DYSF: variants seen among roughly 807,000 people sequenced by gnomAD.
The protein encoded by DYSF is dysferlin.
In DYSF, 212 loss-of-function variants were observed where a neutral mutation model predicts 274.9. The observed-to-expected ratio is 0.77, with a 90% CI of 0.69 to 0.86. The LOEUF (loss-of-function observed/expected upper bound fraction) is 0.86, where lower values mean the gene tolerates loss of function less well. Ranked by LOEUF, DYSF falls within the 40% of genes least tolerant of loss-of-function variation. The probability of loss-of-function intolerance (pLI) is 0.00; values close to 1 mark genes in which losing one functional copy is unlikely to be tolerated. For synonymous variants in DYSF, 1,091 were observed against 1,078.7 expected (o/e 1.01, Z -0.22); for missense variants, 2,666 against 2,783.2 (o/e 0.96, Z 0.95).
chr2:71,472,666 A>G (rs541482410), intron 1 of DYSF, among the ~76,000 whole-genome samples: 14 of 152,326 alleles, frequency 9.2e-5, no homozygotes, highest in African/African-American at 3.4e-4. Context: ...TTGGCCTCCC[A>G]AAGTGCTGGG....
At chr2:71,570,811 C>T in intron 29 of DYSF, 70 bp downstream of exon 29, 2 of 1,596,390 alleles carry the variant, frequency 1.3e-6, no homozygotes, top group Non-Finnish European at 8.5e-7. Flanking sequence ...AGATGCAGAC[C>T]TGCATGCCCA....
intron 47 of DYSF, among the ~76,000 whole-genome samples, chr2:71,666,248 A>G (rs535481237): frequency 1.3e-5 from 2 of 152,316 alleles, no homozygotes; most frequent in East Asian, 3.9e-4. Context: ...AGTCATAGGA[A>G]ACAAAAGCCA....
chr2:71,515,842 T>A (rs2086598886), intron 8 of DYSF, 91 bp downstream of exon 8: 1 of 1,573,676 alleles, frequency 6.4e-7, no homozygotes, highest in Non-Finnish European at 8.7e-7. Context: ...TTCAAGAGTG[T>A]TTACGTATGG....
At chr2:71,528,009 G>T (rs2088164189) in intron 13 of DYSF, among the ~76,000 whole-genome samples, 1 of 152,232 alleles carries the variant, frequency 6.6e-6, no homozygotes, top group African/African-American at 2.4e-5. Flanking sequence ...TAGTGATGTA[G>T]ATTTCTAATT....
chr2:71,521,440 G>T (rs1445709657), intron 12 of DYSF, among the ~76,000 whole-genome samples: 2 of 152,200 alleles, frequency 1.3e-5, no homozygotes, highest in African/African-American at 4.8e-5. Context: ...ACAAACACCA[G>T]AGCACCCACT....
chr2:71,602,627 T>G (rs1574287716), intron 35 of DYSF, 149 bp from the exon 36 acceptor site: 1 of 720,056 alleles, frequency 1.4e-6, no homozygotes, highest in Non-Finnish European at 2.4e-6. Flanking sequence ...TGGTGGGAGG[T>G]GGTTTCTGTT....
intron 34 of DYSF, 192 bp from the exon 35 acceptor site, chr2:71,601,307 G>C: frequency 1.4e-6 from 1 of 731,406 alleles, no homozygotes; most frequent in Non-Finnish European, 2.4e-6. Context: ...GACTGAATAG[G>C]AGTAGGGCTG....
chr2:71,513,283 C>T lies in DYSF; in HGVS notation c.504C>T (p.Asp168=). Residue 168 remains aspartate (D), a synonymous_variant, in exon 6 of 56, where the codon GAC becomes GAT. Coordinates refer to ENST00000410020, the MANE Select transcript of DYSF (RefSeq NM_001130987.2). ...SRAETWSLLS[D]STMDTRYSGK... ...CCGAGACTTGGTCCCTGCTCAGTGA[C>T]AGCACCATGGACACGAGATACTCTG... The T allele has an allele frequency of 6.4e-7, 1 of 1,551,644 alleles. No individual in the cohort carries two copies. The highest frequency in any genetic ancestry group is 1.4e-5 in the African/African-American group (1 of 73,148).
At chr2:71,592,312 C>T (rs931786243) in intron 32 of DYSF, among the ~76,000 whole-genome samples, 2 of 152,216 alleles carry the variant, frequency 1.3e-5, no homozygotes, top group Non-Finnish European at 2.9e-5. Flanking sequence ...AGACGTCACA[C>T]TTTCCATCCT....
intron 24 of DYSF, among the ~76,000 whole-genome samples, chr2:71,565,836 G>A (rs2092065362): frequency 6.6e-6 from 1 of 152,228 alleles, no homozygotes; most frequent in Admixed American, 6.5e-5. Context: ...CACAGGTGAT[G>A]GGTCTTGCTG....
chr2:71,661,360 A>AG (rs2094878797), intron 45 of DYSF, among the ~76,000 whole-genome samples: 2 of 152,190 alleles, frequency 1.3e-5, no homozygotes, highest in African/African-American at 4.8e-5. Flanking sequence ...GTCAAAATGA[A>AG]GAAATCATCA....
intron 16 of DYSF, among the ~76,000 whole-genome samples, chr2:71,536,797 G>A (rs2089388879): frequency 1.3e-5 from 2 of 152,194 alleles, no homozygotes; most frequent in East Asian, 1.9e-4. Context: ...TGGCCAGAAA[G>A]CATTCTGCTG....
At chr2:71,489,651 G>A (rs2083654835) in intron 3 of DYSF, among the ~76,000 whole-genome samples, 1 of 152,218 alleles carries the variant, frequency 6.6e-6, no homozygotes, top group African/African-American at 2.4e-5. Context: ...GGAGACGACA[G>A]AGGCGCCTGG....
chr2:71,472,801 G>T (rs2082132363), intron 1 of DYSF, among the ~76,000 whole-genome samples: 1 of 152,184 alleles, frequency 6.6e-6, no homozygotes, highest in South Asian at 2.1e-4. Flanking sequence ...TTTGCCCATG[G>T]TGGAGCATGT....
At chr2:71,566,623 G>A (rs1315095244) in intron 24 of DYSF, among the ~76,000 whole-genome samples, 1 of 152,192 alleles carries the variant, frequency 6.6e-6, no homozygotes, top group Non-Finnish European at 1.5e-5. Context: ...GGGGAGGACA[G>A]GGGAGAGAGC....
chr2:71,601,471 G>A (rs1327246849), intron 34 of DYSF, 28 bp from the exon 35 acceptor site: 8 of 1,614,036 alleles, frequency 5.0e-6, no homozygotes, highest in Non-Finnish European at 6.8e-6. Flanking sequence ...ACAAGCACAT[G>A]ACCAGAGCTC....
At chr2:71,549,268 T>G in intron 17 of DYSF, 1 of 1,394,284 alleles carries the variant, frequency 7.2e-7, no homozygotes, top group Non-Finnish European at 1.0e-6. Context: ...CTGCCAGCTC[T>G]CCATCCACAG....
At chr2:71,661,787 T>C (rs1329253702) in intron 45 of DYSF, among the ~76,000 whole-genome samples, 2 of 152,190 alleles carry the variant, frequency 1.3e-5, no homozygotes, top group African/African-American at 4.8e-5. Flanking sequence ...TCTGTTGAGT[T>C]AGTTGTGGTC....
At chr2:71,581,377 C>CT (rs1350100733) in intron 30 of DYSF, among the ~76,000 whole-genome samples, 2 of 152,224 alleles carry the variant, frequency 1.3e-5, no homozygotes, top group African/African-American at 2.4e-5. Flanking sequence ...CTCTCGCCTG[C>CT]TATTCCACTT....
Sources: gnomAD v4.1 joint callset for allele counts (sites outside exome capture counted in the v4.1 genomes callset) on GRCh38, gnomAD v4.1.1 for gene constraint, MANE v1.5 for transcripts, NCBI Gene and HGNC (gene_info 2026-07-23, HGNC 2026-07-21) for gene names.